Variants in ALMS1 observed in about 807,000 individuals in gnomAD.
ALMS1 encodes centrosome-associated protein ALMS1.
A neutral mutation model predicts 352.2 loss-of-function variants in ALMS1; 271 were observed. That is an observed-to-expected ratio of 0.77 (90% CI 0.70 to 0.85). ALMS1 has a LOEUF of 0.85. Among genes scored for constraint, ALMS1 ranks in the 40% least tolerant of loss-of-function variants. The probability of loss-of-function intolerance (pLI) is 0.00; values close to 1 mark genes in which losing one functional copy is unlikely to be tolerated. For synonymous variants in ALMS1, 1,865 were observed against 1,761.2 expected, an observed-to-expected ratio of 1.06 and a Z score of -1.48; for missense variants, 5,445 against 4,870.7, an observed-to-expected ratio of 1.12 and a Z score of -3.51.
At chr2:73,423,048 C>A in intron 4 of ALMS1, 74 bp downstream of exon 4, 2 of 1,341,324 alleles carry the variant, frequency 1.5e-6, no homozygotes, top group Non-Finnish European at 2.1e-6. Flanking sequence ...TGACTTCAGG[C>A]TAAGGTGGGA....
At chr2:73,554,126 T>A (rs1264264484) in intron 13 of ALMS1, among the ~76,000 whole-genome samples, 1 of 152,054 alleles carries the variant, frequency 6.6e-6, no homozygotes. Context: ...TAAATCAGAA[T>A]TTATATTGTC....
chr2:73,562,804 T>C (rs1674693454), intron 15 of ALMS1, among the ~76,000 whole-genome samples: 1 of 151,998 alleles, frequency 6.6e-6, no homozygotes, highest in Non-Finnish European at 1.5e-5. Flanking sequence ...GGAGAAGCGC[T>C]TGATTCCGGG....
chr2:73,545,902 T>A lies in ALMS1; in HGVS notation c.9908-4365T>A, dbSNP rs191886800. Among the ~76,000 whole-genome samples, 34 of 152,354 alleles carry A rather than the reference T, an allele frequency of 2.2e-4. 1 individual carries two copies. The highest frequency in any genetic ancestry group is 2.1e-3 in the Admixed American group (32 of 15,296). On this transcript the variant is annotated intron_variant, in intron 12 of 22. Coordinates refer to ENST00000613296, the MANE Select transcript of ALMS1 (RefSeq NM_001378454.1). ...TCATTCTCAAAATTAATTGTAGTCC[T>A]CGTTTGCCTTTTGTAGTGTAGGCAT...
intron 11 of ALMS1, among the ~76,000 whole-genome samples, chr2:73,529,394 C>A (rs887771435): frequency 5.9e-5 from 9 of 152,294 alleles, no homozygotes; most frequent in African/African-American, 2.2e-4. Flanking sequence ...ATCTCTGTTT[C>A]TCCAGGATTG....
chr2:73,414,570 T>C (rs1311276004), intron 2 of ALMS1, among the ~76,000 whole-genome samples: 1 of 150,748 alleles, frequency 6.6e-6, no homozygotes, highest in Non-Finnish European at 1.5e-5. Context: ...CCCAATTCTT[T>C]GAAAGGAAGT....
At chr2:73,562,821 A>G (rs1195389981) in intron 15 of ALMS1, among the ~76,000 whole-genome samples, 1 of 152,092 alleles carries the variant, frequency 6.6e-6, no homozygotes, top group Non-Finnish European at 1.5e-5. Flanking sequence ...CGGGAGACAG[A>G]GGTTGCAGTG....
intron 9 of ALMS1, among the ~76,000 whole-genome samples, chr2:73,482,969 T>C (rs562375427): frequency 5.3e-5 from 8 of 152,340 alleles, no homozygotes; most frequent in Non-Finnish European, 1.0e-4. Flanking sequence ...TCTTCTCTCT[T>C]TTTTTCTTTA....
In ALMS1 at chr2:73,386,072, AGAC is replaced by A; in HGVS notation, c.210_212del (p.Asp70del). On this transcript the variant is annotated inframe_deletion, in exon 1 of 23. Transcript: ENST00000613296. ...ACGGGCCCCAGCATCTGGAAAGTAT[AGAC>A]GACGAGGAGGACGAGGAGGCCAAGG... is the stretch of plus-strand genomic sequence containing the variant. 1.9e-6 allele frequency: 3 copies of A among 1,595,948 alleles called. No homozygotes were observed. Among genetic ancestry groups the A allele is most frequent in the Non-Finnish European group, 2.6e-6 (3 of 1,171,768 alleles).
chr2:73,449,207 G>C lies in ALMS1; in HGVS notation c.2680G>C (p.Gly894Arg), dbSNP rs374262388. 1 of 1,614,146 alleles carries C rather than the reference G, an allele frequency of 6.2e-7. No homozygotes were observed. Among genetic ancestry groups the C allele is most frequent in the South Asian group, 1.1e-5 (1 of 91,082 alleles). The change falls in exon 8 of 23, where the codon GGT (glycine) becomes CGT (arginine). Residue 894 changes from glycine (G) to arginine (R), a missense_variant. Coordinates refer to ENST00000613296, the MANE Select transcript of ALMS1 (RefSeq NM_001378454.1). ...GAAAGTATCAATTGTTCCTGGACCA[G>C]GTGATCAGAAGACTGGGATACCCTC... ...ALKVSIVPGP[G>R]DQKTGIPSAP...
At chr2:73,529,405 G>T (rs565271795) in intron 11 of ALMS1, among the ~76,000 whole-genome samples, 3 of 152,190 alleles carry the variant, frequency 2.0e-5, no homozygotes, top group Admixed American at 1.3e-4. Context: ...TCCAGGATTG[G>T]TTTTTAGTGT....
At chr2:73,541,260 C>T (rs57845164) in intron 12 of ALMS1, among the ~76,000 whole-genome samples, 8,464 of 152,182 alleles carry the variant, frequency 0.056, 260 homozygotes, top group African/African-American at 0.066. Context: ...AACAACCTGC[C>T]CCTGAATGAC....
intron 9 of ALMS1, among the ~76,000 whole-genome samples, chr2:73,474,643 G>A (rs1037245584): frequency 6.6e-6 from 1 of 151,932 alleles, no homozygotes; most frequent in African/African-American, 2.4e-5. Context: ...CCTGGCTGAT[G>A]TGTCATTAAG....
chr2:73,585,624 G>A (rs1675294694), intron 16 of ALMS1, among the ~76,000 whole-genome samples: 1 of 151,724 alleles, frequency 6.6e-6, no homozygotes, highest in African/African-American at 2.4e-5. Flanking sequence ...TTGATCTCCT[G>A]ACCTCGTGAT....
chr2:73,429,502 C>T (rs888689243), intron 6 of ALMS1, among the ~76,000 whole-genome samples: 5 of 151,970 alleles, frequency 3.3e-5, no homozygotes, highest in African/African-American at 4.8e-5. Flanking sequence ...AGGCTAGTCT[C>T]GAATTCCTGA....
intron 16 of ALMS1, among the ~76,000 whole-genome samples, chr2:73,597,226 G>T (rs1044450862): frequency 1.1e-4 from 16 of 152,012 alleles, no homozygotes; most frequent in Admixed American, 1.0e-3. Flanking sequence ...TTTTCAGGTT[G>T]TCACTTGCTA....
intron 7 of ALMS1, among the ~76,000 whole-genome samples, chr2:73,443,950 A>G (rs558137632): frequency 3.3e-5 from 5 of 152,104 alleles, no homozygotes; most frequent in Non-Finnish European, 7.4e-5. Context: ...TGAATGGCCT[A>G]TATGTCTTTC....
At chr2:73,579,213 C>T (rs1675120871) in intron 16 of ALMS1, among the ~76,000 whole-genome samples, 1 of 151,446 alleles carries the variant, frequency 6.6e-6, no homozygotes, top group African/African-American at 2.4e-5. Context: ...GTGCCTGCCA[C>T]CATGCCTGGG....
chr2:73,402,270 CTTTTTTTTTT>C (rs61360284), intron 1 of ALMS1, among the ~76,000 whole-genome samples: 5 of 122,832 alleles, frequency 4.1e-5, no homozygotes, highest in Non-Finnish European at 6.8e-5. Flanking sequence ...TTCTCTCTCT[CTTTTTTTTTT>C]TTTTTTTTTT....
intron 16 of ALMS1, among the ~76,000 whole-genome samples, chr2:73,576,964 GATA>G (rs1675067867): frequency 6.6e-6 from 1 of 151,916 alleles, no homozygotes; most frequent in Non-Finnish European, 1.5e-5. Context: ...TATATTTATT[GATA>G]ATCATATTTT....
Sources: allele counts gnomAD v4.1 joint callset (sites outside exome capture counted in the v4.1 genomes callset), GRCh38; gene constraint gnomAD v4.1.1; transcripts MANE v1.5; gene names NCBI Gene and HGNC (gene_info 2026-07-23, HGNC 2026-07-21).